The following NAALADL2 variants were observed in gnomAD, a reference collection of about 807,000 sequenced individuals.
NAALADL2 encodes N-acetylated alpha-linked acidic dipeptidase like 2.
A neutral mutation model predicts 87.2 loss-of-function variants in NAALADL2; 76 were observed. That is an observed-to-expected ratio of 0.87 (90% CI 0.72 to 1.05). NAALADL2 has a LOEUF of 1.05. Among genes scored for constraint, NAALADL2 ranks in the 50% least tolerant of loss-of-function variants. The probability of loss-of-function intolerance (pLI) is 0.00; values close to 1 mark genes in which losing one functional copy is unlikely to be tolerated. For synonymous variants in NAALADL2, 354 were observed against 331.0 expected, an observed-to-expected ratio of 1.07 and a Z score of -0.75; for missense variants, 1,089 against 945.8, an observed-to-expected ratio of 1.15 and a Z score of -1.99.
intron 11 of NAALADL2, among the ~76,000 whole-genome samples, chr3:175,724,963 T>A (rs565751561): frequency 7.9e-5 from 12 of 152,174 alleles, no homozygotes; most frequent in Admixed American, 7.2e-4. Context: ...GTGATTGCTT[T>A]CATTTATTAC....
intron 8 of NAALADL2, among the ~76,000 whole-genome samples, chr3:175,468,118 TAAATC>T (rs768460023): frequency 2.0e-5 from 3 of 152,102 alleles, no homozygotes; most frequent in Non-Finnish European, 2.9e-5. Context: ...AAATATCTAT[TAAATC>T]AAAGAAAATA....
chr3:174,770,780 G>A (rs749482843), intron 3 of NAALADL2, among the ~76,000 whole-genome samples: 12 of 151,598 alleles, frequency 7.9e-5, no homozygotes, highest in South Asian at 2.1e-4. Context: ...CAGAGCTTGC[G>A]GTGAGCCGAG....
At chr3:174,658,197 C>G (rs1439580430) in intron 2 of NAALADL2, among the ~76,000 whole-genome samples, 1 of 152,182 alleles carries the variant, frequency 6.6e-6, no homozygotes, top group Non-Finnish European at 1.5e-5. Flanking sequence ...AACCACCAAA[C>G]TGTCTTCCCA....
At chr3:175,685,092 G>C (rs1401953909) in intron 11 of NAALADL2, among the ~76,000 whole-genome samples, 1 of 152,092 alleles carries the variant, frequency 6.6e-6, no homozygotes, top group Non-Finnish European at 1.5e-5. Flanking sequence ...CCCATATCAA[G>C]AGTTCAAGGA....
At chr3:174,874,966 T>G (rs1728302710) in intron 1 of NAALADL2, among the ~76,000 whole-genome samples, 1 of 151,604 alleles carries the variant, frequency 6.6e-6, no homozygotes, top group South Asian at 2.1e-4. Flanking sequence ...ACAAAAAAAT[T>G]AGCTGGACGT....
intron 3 of NAALADL2, among the ~76,000 whole-genome samples, chr3:174,813,021 A>C (rs2109302287): frequency 6.6e-6 from 1 of 152,292 alleles, no homozygotes; most frequent in African/African-American, 2.4e-5. Context: ...TGTAGCCCAA[A>C]TGTACAGTAT....
chr3:175,295,017 A>AGAT (rs1756135728), intron 4 of NAALADL2, among the ~76,000 whole-genome samples: 1 of 152,192 alleles, frequency 6.6e-6, no homozygotes, highest in South Asian at 2.1e-4. Context: ...AGATGTGAAT[A>AGAT]GATACTAAAA....
At chr3:175,292,087 T>G (rs181434389) in intron 4 of NAALADL2, among the ~76,000 whole-genome samples, 3 of 152,340 alleles carry the variant, frequency 2.0e-5, no homozygotes, top group Non-Finnish European at 2.9e-5. Context: ...TTTCACACAT[T>G]TTGAAACGTG....
intron 2 of NAALADL2, among the ~76,000 whole-genome samples, chr3:175,204,276 T>C (rs7636552): frequency 0.7 from 107,010 of 152,112 alleles, 38,659 homozygotes; most frequent in African/African-American, 0.85. Context: ...ACCAGGGATA[T>C]GGGGATGGTT....
intron 4 of NAALADL2, among the ~76,000 whole-genome samples, chr3:175,257,597 G>T (rs982395335): frequency 6.6e-6 from 1 of 151,394 alleles, no homozygotes; most frequent in Non-Finnish European, 1.5e-5. Flanking sequence ...AGGGTGGGGG[G>T]GCACACAGAG....
intron 4 of NAALADL2, among the ~76,000 whole-genome samples, chr3:175,285,979 A>G (rs769849111): frequency 5.3e-5 from 8 of 152,126 alleles, no homozygotes; most frequent in Non-Finnish European, 1.0e-4. Flanking sequence ...TTTATTTGTA[A>G]TTTTACATTT....
intron 11 of NAALADL2, among the ~76,000 whole-genome samples, chr3:175,628,613 C>A (rs35381202): frequency 0.71 from 93,012 of 131,018 alleles, 32,045 homozygotes; most frequent in East Asian, 0.85. Context: ...ATCTCTCTCT[C>A]TATGTATATA....
intron 1 of NAALADL2, among the ~76,000 whole-genome samples, chr3:175,085,650 C>T (rs999315669): frequency 1.4e-4 from 21 of 152,186 alleles, no homozygotes; most frequent in South Asian, 8.3e-4. Flanking sequence ...TTTTGCCAGT[C>T]GCGGTGGCTC....
chr3:175,386,515 C>T (rs1768396754), intron 5 of NAALADL2, among the ~76,000 whole-genome samples: 1 of 151,294 alleles, frequency 6.6e-6, no homozygotes, highest in African/African-American at 2.4e-5. Flanking sequence ...TTTCCCCTCT[C>T]CCTCTCTATT....
At position 175,637,803 on chromosome 3, in the gene NAALADL2, C is replaced by G. The variant is rs538544487; in HGVS notation, c.1896+10417C>G. 3.3e-5 allele frequency among the ~76,000 whole-genome samples: 5 copies of G among 152,276 alleles called. No individual in the cohort carries two copies. In the South Asian group the frequency reaches 1.0e-3, roughly 32 times the overall value. The stretch of plus-strand genomic sequence containing the variant: ...ACTCCAGTACTTCTTTGTAGCAAAA[C>G]AGACTAAGACAGCAATTAAATACAC... On this transcript the variant is annotated intron_variant, in intron 11 of 13. Transcript: ENST00000454872.
intron 1 of NAALADL2, among the ~76,000 whole-genome samples, chr3:175,055,258 C>T (rs183170433): frequency 2.8e-4 from 42 of 152,294 alleles, no homozygotes; most frequent in Middle Eastern, 6.8e-3. Flanking sequence ...CTGTGCTATA[C>T]GCTCTCCTGG....
intron 2 of NAALADL2, among the ~76,000 whole-genome samples, chr3:175,147,989 G>C (rs1161247932): frequency 6.6e-6 from 1 of 151,518 alleles, no homozygotes; most frequent in African/African-American, 2.4e-5. Context: ...AGAATCGCTT[G>C]AACCCAGGAG....
chr3:174,805,804 C>A (rs1203212304), intron 3 of NAALADL2, among the ~76,000 whole-genome samples: 1 of 152,096 alleles, frequency 6.6e-6, no homozygotes, highest in Non-Finnish European at 1.5e-5. Context: ...TGAGTTAAAT[C>A]ATAAATATAG....
At chr3:175,394,235 G>GA (rs539686699) in intron 5 of NAALADL2, among the ~76,000 whole-genome samples, 1 of 152,110 alleles carries the variant, frequency 6.6e-6, no homozygotes, top group East Asian at 1.9e-4. Context: ...TTGAGAAGAT[G>GA]AAAAAAAAGT....
Sources: allele counts gnomAD v4.1 joint callset (sites outside exome capture counted in the v4.1 genomes callset), GRCh38; gene constraint gnomAD v4.1.1; transcripts MANE v1.5; gene names NCBI Gene and HGNC (gene_info 2026-07-23, HGNC 2026-07-21).